BIRC6: variants seen among roughly 807,000 people sequenced by gnomAD.
BIRC6 encodes baculoviral IAP repeat containing 6.
Under a neutral mutation model 503.3 loss-of-function variants are expected in BIRC6, and 98 were observed. The observed-to-expected ratio is 0.19, with a 90% CI of 0.17 to 0.23. The LOEUF (loss-of-function observed/expected upper bound fraction) is 0.23, where lower values mean the gene tolerates loss of function less well. Among genes scored for constraint, BIRC6 ranks in the 10% least tolerant of loss-of-function variants. BIRC6 has a pLI of 1.00. For missense variants in BIRC6, 5,360 were observed against 5,806.0 expected (o/e 0.92, Z 2.50); for synonymous variants, 2,240 against 2,078.7 (o/e 1.08, Z -2.11).
rs184454320 is a variant in BIRC6, at chr2:32,364,231, A to G, written c.325+6745A>G. On this transcript the variant is annotated intron_variant, in intron 1 of 73. Coordinates refer to ENST00000421745, the MANE Select transcript of BIRC6 (RefSeq NM_016252.4). ...TCTGTGTTGCAGTGAAGAAGAAAAA[A>G]CCTGCTCAGTGTTTTTATTTTATTT... is the stretch of plus-strand genomic sequence containing the variant. Among the ~76,000 whole-genome samples, 26 of 152,194 alleles carry G rather than the reference A, an allele frequency of 1.7e-4. No homozygotes were observed. The East Asian group carries it at 5.0e-3, about 29-fold the overall frequency.
Position 32,453,466 on chromosome 2 carries a change from C to T in BIRC6, c.4619-342C>T, listed in dbSNP as rs2046925263. 2.0e-5 allele frequency among the ~76,000 whole-genome samples: 3 copies of T among 152,120 alleles called. No individual in the cohort carries two copies. The South Asian group carries it at 6.2e-4, about 31-fold the overall frequency. On this transcript the variant is annotated intron_variant, in intron 22 of 73. Transcript: ENST00000421745. ...GCTAATGTGACTAGCTGATTTACTA[C>T]TTTTTTCACCCCATTTGAGATTGAA...
rs187853092 is a variant in BIRC6 at position 32,481,626 on chromosome 2, C to T, written c.7542+173C>T. ...CTAAAAATAGAAAAAATTAGCTGGACGTGGTGGCGGGCACCTGTAGTCCCA... is the reference window on the plus strand; with the variant it reads ...CTAAAAATAGAAAAAATTAGCTGGATGTGGTGGCGGGCACCTGTAGTCCCA... On this transcript the variant is annotated intron_variant, in intron 38 of 73. Transcript: ENST00000421745. Among the ~76,000 whole-genome samples, 1,373 of 152,084 alleles carry T rather than the reference C, an allele frequency of 9.0e-3. 10 individuals are homozygous for T. The highest frequency in any genetic ancestry group is 0.014 in the Non-Finnish European group (977 of 67,982).
intron 34 of BIRC6, 129 bp from the exon 35 acceptor site, chr2:32,477,238 AC>A: frequency 1.4e-6 from 1 of 740,336 alleles, no homozygotes; most frequent in Non-Finnish European, 2.2e-6. Flanking sequence ...TTTGAAACTT[AC>A]AGTGTATCTA....
intron 65 of BIRC6, among the ~76,000 whole-genome samples, chr2:32,570,488 A>G (rs774515355): frequency 1.3e-4 from 19 of 146,408 alleles, no homozygotes; most frequent in African/African-American, 3.3e-4. Flanking sequence ...GTGGCCATTT[A>G]TTTGTTTGTT....
rs769428809 is a variant in BIRC6, at chr2:32,503,207, C to T, written c.9470C>T (p.Ala3157Val). The T allele has an allele frequency of 3.1e-6, 5 of 1,610,476 alleles. No individual in the cohort carries two copies. The South Asian group carries it at 5.5e-5, about 18-fold the overall frequency. Residue 3157 changes from alanine (A) to valine (V), a missense_variant, in exon 49 of 74, where the codon GCT becomes GTT. Physicochemically the swap from Ala to Val is moderately conservative, Grantham distance 64. Coordinates refer to ENST00000421745, the MANE Select transcript of BIRC6 (RefSeq NM_016252.4). Reference protein sequence around the residue: ...TRILASEPDNAEGIHNFAPLG... With the variant: ...TRILASEPDNVEGIHNFAPLG... ...ATACTAGCTTCTGAGCCTGACAATG[C>T]TGAAGGGATTCATAACTTTGCACCC...
At chr2:32,595,390 A>T (rs1040881217) in intron 68 of BIRC6, among the ~76,000 whole-genome samples, 11 of 152,216 alleles carry the variant, frequency 7.2e-5, no homozygotes, top group Non-Finnish European at 1.5e-4. Flanking sequence ...CCAAGTGTCT[A>T]CAAAACAGGC....
chr2:32,549,395 G>GTAA lies in BIRC6; in HGVS notation c.13060_13062dup (p.Asn4354dup). ...TCTCATGAGACTAGAGGGCAGAACA[G>GTAA]TAATGCCCTTCCTTCTGTACTTCTC... On this transcript the variant is annotated inframe_insertion, in exon 65 of 74. Coordinates refer to ENST00000421745, the MANE Select transcript of BIRC6 (RefSeq NM_016252.4). 6.6e-7 allele frequency: 1 copy of GTAA among 1,521,504 alleles called. No individual in the cohort carries two copies. The highest frequency in any genetic ancestry group is 9.0e-7 in the Non-Finnish European group (1 of 1,115,556). The allele number at this position is 1,521,504 out of a possible 1,614,324, so 94.3% of individuals were successfully genotyped here.
chr2:32,606,547 T>G (rs1408123730), intron 71 of BIRC6, among the ~76,000 whole-genome samples: 2 of 152,018 alleles, frequency 1.3e-5, no homozygotes, highest in Admixed American at 6.6e-5. Context: ...GAACCAAGAT[T>G]GTACCATTGC....
chr2:32,578,855 A>C (rs2060448296), intron 66 of BIRC6, among the ~76,000 whole-genome samples: 1 of 151,406 alleles, frequency 6.6e-6, no homozygotes, highest in Non-Finnish European at 1.5e-5. Flanking sequence ...CACACTCAGA[A>C]ACATTTTACA....
At chr2:32,459,820 A>G (rs1009072941) in intron 23 of BIRC6, among the ~76,000 whole-genome samples, 6 of 150,970 alleles carry the variant, frequency 4.0e-5, no homozygotes, top group South Asian at 2.1e-4. Context: ...TTTAATTGTT[A>G]TGTTGTTATA....
chr2:32,505,621 T>G (rs2053710597), intron 50 of BIRC6, among the ~76,000 whole-genome samples: 1 of 152,234 alleles, frequency 6.6e-6, no homozygotes, highest in African/African-American at 2.4e-5. Context: ...ACAAGATAAC[T>G]ACCTTTTTGA....
intron 50 of BIRC6, among the ~76,000 whole-genome samples, chr2:32,505,583 A>T (rs2053703849): frequency 6.6e-6 from 1 of 152,138 alleles, no homozygotes; most frequent in Non-Finnish European, 1.5e-5. Context: ...ATTAGCATAG[A>T]TTTGTGTGCC....
At chr2:32,420,017 A>G (rs970057604) in intron 10 of BIRC6, among the ~76,000 whole-genome samples, 1 of 152,236 alleles carries the variant, frequency 6.6e-6, no homozygotes, top group African/African-American at 2.4e-5. Flanking sequence ...ACTTTTGGAT[A>G]TCAAATCAAC....
At chr2:32,605,740 C>T (rs920882826) in intron 71 of BIRC6, among the ~76,000 whole-genome samples, 7 of 152,082 alleles carry the variant, frequency 4.6e-5, no homozygotes, top group Non-Finnish European at 1.0e-4. Context: ...CACCTGTAAC[C>T]CCAGCTACTT....
chr2:32,432,280 G>A (rs975563048), intron 12 of BIRC6, among the ~76,000 whole-genome samples: 3 of 152,152 alleles, frequency 2.0e-5, no homozygotes, highest in African/African-American at 4.8e-5. Flanking sequence ...GCTGGGTGTG[G>A]TGGTGCACAC....
In BIRC6 at chr2:32,471,027, T is replaced by G; in HGVS notation, c.6495T>G (p.Ile2165Met). 6 of 1,572,180 alleles carry G rather than the reference T, an allele frequency of 3.8e-6. No individual in the cohort carries two copies. Among genetic ancestry groups the G allele is most frequent in the Non-Finnish European group, 5.2e-6 (6 of 1,156,406 alleles). ...MHRRTEGVLD[I>M]PMISWVVMLV... ...ATCTCTCTCCAGGAGTACTAGATATTCCCATGATCAGTTGGGTTGTTATGC... is the reference window on the plus strand; with the variant it reads ...ATCTCTCTCCAGGAGTACTAGATATGCCCATGATCAGTTGGGTTGTTATGC... The change falls in exon 32 of 74, where the codon ATT becomes ATG. Residue 2165 changes from isoleucine to methionine, a missense_variant. By Grantham distance (10) the Ile-to-Met change is conservative (BLOSUM62 1). Coordinates refer to ENST00000421745, the MANE Select transcript of BIRC6 (RefSeq NM_016252.4).
At chr2:32,457,434 T>G (rs1376285535) in intron 23 of BIRC6, among the ~76,000 whole-genome samples, 2 of 152,152 alleles carry the variant, frequency 1.3e-5, no homozygotes. Context: ...TAGGGCTGAT[T>G]ATATTTTTTA....
intron 45 of BIRC6, among the ~76,000 whole-genome samples, chr2:32,496,048 A>G (rs568863231): frequency 1.3e-5 from 2 of 151,968 alleles, no homozygotes; most frequent in African/African-American, 4.8e-5. Flanking sequence ...TCACCGTGTT[A>G]GCCAGGATGG....
At position 32,545,879 on chromosome 2, in the gene BIRC6, A is replaced by G. The variant is rs1322356103; in HGVS notation, c.12810+19A>G. 1 of 1,593,374 alleles carries G rather than the reference A, an allele frequency of 6.3e-7. No homozygotes were observed. The highest frequency in any genetic ancestry group is 2.2e-5 in the East Asian group (1 of 44,736). On this transcript the variant is annotated intron_variant, in intron 63 of 73. Transcript: ENST00000421745. ...AACTGAGGTAGGTTCACTTTTAATT[A>G]TTTCAGTTATTAAAAAAACTAGATT...
Sources: gnomAD v4.1 joint callset for allele counts (sites outside exome capture counted in the v4.1 genomes callset) on GRCh38, gnomAD v4.1.1 for gene constraint, MANE v1.5 for transcripts, NCBI Gene and HGNC (gene_info 2026-07-23, HGNC 2026-07-21) for gene names.